The following WDFY4 variants were observed in gnomAD, a reference collection of about 807,000 sequenced individuals.
The protein encoded by WDFY4 is WD repeat- and FYVE domain-containing protein 4.
A neutral mutation model predicts 351.9 loss-of-function variants in WDFY4; 169 were observed. That is an observed-to-expected ratio of 0.48 (90% CI 0.42 to 0.55). The LOEUF is 0.55. Ranked by LOEUF, WDFY4 falls within the 20% of genes least tolerant of loss-of-function variation. The probability of loss-of-function intolerance (pLI) is 0.00; values close to 1 mark genes in which losing one functional copy is unlikely to be tolerated. For missense variants in WDFY4, 3,803 were observed against 3,935.6 expected (o/e 0.97, Z 0.90); for synonymous variants, 1,622 against 1,574.6 (o/e 1.03, Z -0.71).
At chr10:48,975,146 A>C in intron 58 of WDFY4, 105 bp downstream of exon 58, 2 of 1,450,248 alleles carry the variant, frequency 1.4e-6, no homozygotes, top group Non-Finnish European at 1.9e-6. Context: ...CCACCCCAGA[A>C]TGCTGAGAGG....
intron 3 of WDFY4, 34 bp from the exon 4 acceptor site, chr10:48,721,226 TC>T: frequency 6.5e-7 from 1 of 1,535,732 alleles, no homozygotes; most frequent in Non-Finnish European, 8.8e-7. Flanking sequence ...AGTGGGCAGG[TC>T]GCTGTATGCC....
rs1356475138 is a variant in WDFY4, at chr10:48,943,400, A to G, written c.7700A>G (p.Tyr2567Cys). The change falls in exon 49 of 62, where the codon TAC becomes TGC. Residue 2567 changes from tyrosine (Y) to cysteine (C), a missense_variant. By Grantham distance (194) the Tyr-to-Cys change is radical. This residue lies in a region of WDFY4 where 3,054 missense variants were observed against 3,148.6 expected (regional missense o/e 0.97). Transcript: ENST00000325239. The part of the protein sequence containing the change: ...NTAAGRTCND[Y>C]MQYPVFPWVL... ...GCGGCTGGGAGAACCTGCAATGACT[A>G]CATGCAGTACCCAGTGTTCCCCTGG... is the stretch of plus-strand genomic sequence containing the variant. The G allele has an allele frequency of 2.3e-5, 35 of 1,551,738 alleles. No homozygotes were observed. The highest frequency in any genetic ancestry group is 3.0e-5 in the Non-Finnish European group (34 of 1,146,980).
intron 24 of WDFY4, among the ~76,000 whole-genome samples, chr10:48,797,768 T>A (rs1004563090): frequency 2.6e-5 from 4 of 152,230 alleles, no homozygotes; most frequent in Admixed American, 6.5e-5. Context: ...TTTAAAAACA[T>A]TTTCTTAGAA....
chr10:48,852,530 G>A (rs1225166559), intron 39 of WDFY4, among the ~76,000 whole-genome samples: 1 of 152,124 alleles, frequency 6.6e-6, no homozygotes, highest in Admixed American at 6.5e-5. Context: ...GATGTGCTCT[G>A]GGTCTGTTCC....
At chr10:48,761,422 G>A (rs1022664761) in intron 13 of WDFY4, among the ~76,000 whole-genome samples, 6 of 152,184 alleles carry the variant, frequency 3.9e-5, no homozygotes, top group African/African-American at 7.2e-5. Flanking sequence ...AGAGTTAGGA[G>A]TCTCTGCCTG....
At chr10:48,975,545 C>T (rs1365272143) in intron 58 of WDFY4, among the ~76,000 whole-genome samples, 2 of 152,126 alleles carry the variant, frequency 1.3e-5, no homozygotes, top group Non-Finnish European at 2.9e-5. Flanking sequence ...TGCATCTGCT[C>T]ACAGAAAACC....
chr10:48,940,799 C>T (rs747300019), intron 47 of WDFY4, among the ~76,000 whole-genome samples: 1 of 152,128 alleles, frequency 6.6e-6, no homozygotes, highest in Non-Finnish European at 1.5e-5. Flanking sequence ...GTAATCTCTG[C>T]TGAAGAGAAG....
intron 43 of WDFY4, among the ~76,000 whole-genome samples, chr10:48,890,344 G>A (rs377352443): frequency 6.6e-6 from 1 of 152,160 alleles, no homozygotes; most frequent in Non-Finnish European, 1.5e-5. Flanking sequence ...ACACATCTTG[G>A]TGGGAGCAGA....
At chr10:48,811,735 G>A (rs1207062403) in intron 30 of WDFY4, 27 bp downstream of exon 30, 2 of 1,546,976 alleles carry the variant, frequency 1.3e-6, no homozygotes, top group Non-Finnish European at 1.7e-6. Flanking sequence ...CCCACAGGGT[G>A]ACACACTTGG....
chr10:48,689,269 G>C (rs977818532), intron 1 of WDFY4, among the ~76,000 whole-genome samples: 1 of 152,094 alleles, frequency 6.6e-6, no homozygotes, highest in Non-Finnish European at 1.5e-5. Context: ...CTAAACCCTT[G>C]GCTGCCAGTC....
intron 39 of WDFY4, among the ~76,000 whole-genome samples, chr10:48,865,253 T>A (rs2069503149): frequency 6.6e-6 from 1 of 152,194 alleles, no homozygotes; most frequent in Admixed American, 6.5e-5. Context: ...CCCCACCCAG[T>A]TGGTTGACTT....
chr10:48,924,987 C>T (rs1263902309), intron 47 of WDFY4, among the ~76,000 whole-genome samples: 11 of 152,206 alleles, frequency 7.2e-5, no homozygotes, highest in Non-Finnish European at 1.6e-4. Context: ...AGGATAGACA[C>T]ATGGAACTGA....
At chr10:48,780,869 A>G (rs2132659161) in intron 19 of WDFY4, among the ~76,000 whole-genome samples, 1 of 152,346 alleles carries the variant, frequency 6.6e-6, no homozygotes, top group East Asian at 1.9e-4. Flanking sequence ...CTGCACCCAG[A>G]ATAATTACAT....
chr10:48,853,247 T>C (rs111566070), intron 39 of WDFY4, among the ~76,000 whole-genome samples: 1 of 152,108 alleles, frequency 6.6e-6, no homozygotes, highest in African/African-American at 2.4e-5. Context: ...GACTCACAAG[T>C]CCACATGGCT....
chr10:48,973,292 C>T (rs949632106), intron 57 of WDFY4, among the ~76,000 whole-genome samples: 4 of 152,210 alleles, frequency 2.6e-5, no homozygotes, highest in African/African-American at 9.7e-5. Context: ...CCTGTCAACT[C>T]CTCTGCTTTC....
In WDFY4 at chr10:48,897,533, G is replaced by C. The variant is rs977029050; in HGVS notation, c.7396G>C (p.Ala2466Pro). The C allele has an allele frequency of 3.2e-6, 5 of 1,550,678 alleles. No individual in the cohort carries two copies. The African/African-American group carries it at 6.8e-5, about 21-fold the overall frequency. The change falls in exon 45 of 62, where the codon GCT (alanine) becomes CCT (proline). Residue 2466 changes from alanine to proline, a missense_variant. Physicochemically the swap from Ala to Pro is conservative, Grantham distance 27. Coordinates refer to ENST00000325239, the MANE Select transcript of WDFY4 (RefSeq NM_001394531.1). The stretch of plus-strand genomic sequence containing the variant: ...TTACTCGTGCCAGTGCCACAGCTAC[G>C]CTGACATGCGGGAGCTACGGCAGGC... The part of the protein sequence containing the change: ...DHYSCQCHSY[A>P]DMRELRQARF...
intron 14 of WDFY4, 124 bp downstream of exon 14, chr10:48,774,796 A>C (rs2065975398): frequency 7.9e-7 from 1 of 1,263,144 alleles, no homozygotes; most frequent in Non-Finnish European, 1.1e-6. Context: ...CTGTCCTGGC[A>C]TTCAAGGCTG....
chr10:48,958,500 T>G (rs369679409), intron 52 of WDFY4, among the ~76,000 whole-genome samples: 3 of 152,146 alleles, frequency 2.0e-5, no homozygotes, highest in African/African-American at 7.2e-5. Context: ...TGGGCTCAGC[T>G]GCAGAAATGA....
intron 51 of WDFY4, among the ~76,000 whole-genome samples, chr10:48,955,841 C>T (rs1480663287): frequency 2.0e-5 from 3 of 152,144 alleles, no homozygotes; most frequent in African/African-American, 7.2e-5. Flanking sequence ...AAGGGAGTGG[C>T]GGGCACAGAG....
Sources: allele counts gnomAD v4.1 joint callset (sites outside exome capture counted in the v4.1 genomes callset), GRCh38; gene constraint gnomAD v4.1.1; regional missense constraint gnomAD v4.1.1; transcripts MANE v1.5; gene names NCBI Gene and HGNC (gene_info 2026-07-23, HGNC 2026-07-21).